FHIT: variants seen among roughly 807,000 people sequenced by gnomAD.
FHIT encodes bis(5'-adenosyl)-triphosphatase.
FHIT carries 19 observed loss-of-function variants against 17.9 expected under a neutral mutation model. That is an observed-to-expected ratio of 1.06 (90% CI 0.74 to 1.56). FHIT has a LOEUF of 1.56. Ranked by LOEUF, FHIT falls within the 40% of genes most tolerant of loss-of-function variation. FHIT has a pLI of 0.00. For synonymous variants in FHIT, 81 were observed against 69.7 expected (o/e 1.16, Z -0.81); for missense variants, 248 against 189.2 (o/e 1.31, Z -1.82).
intron 5 of FHIT, among the ~76,000 whole-genome samples, chr3:60,235,927 G>T (rs576951336): frequency 2.6e-5 from 4 of 152,114 alleles, no homozygotes; most frequent in African/African-American, 7.2e-5. Context: ...GGTTCATAGG[G>T]TATTGTTAGA....
At position 61,239,762 on chromosome 3, in the gene FHIT, C is replaced by CAT. The variant is rs72107416; in HGVS notation, c.-213+11537_-213+11538dup. Among the ~76,000 whole-genome samples, 126 of 108,256 alleles carry CAT rather than the reference C, an allele frequency of 1.2e-3. 5 individuals are homozygous for CAT. The highest frequency in any genetic ancestry group is 4.8e-3 in the South Asian group (16 of 3,340). 71.0% of individuals were successfully genotyped at this position (108,256 alleles called of 152,430 possible). A position where few individuals can be genotyped will look rare whatever the true frequency, so the allele number is the denominator to read the frequency against. ...AAAACTGCAAAGAAAAACAACTGGC[C>CAT]ATATATATATATATATATATATACA... On this transcript the variant is annotated intron_variant, in intron 1 of 9. Transcript: ENST00000492590.
intron 5 of FHIT, among the ~76,000 whole-genome samples, chr3:60,158,299 CA>C (rs1299780262): frequency 1.3e-5 from 2 of 151,934 alleles, no homozygotes; most frequent in Non-Finnish European, 2.9e-5. Flanking sequence ...TAAGACAAAA[CA>C]AGACTATTTC....
chr3:60,504,942 C>T (rs1279433764), intron 5 of FHIT, among the ~76,000 whole-genome samples: 1 of 152,188 alleles, frequency 6.6e-6, no homozygotes, highest in African/African-American at 2.4e-5. Context: ...AAGTGGAAGT[C>T]AAACTGCTAT....
chr3:60,104,952 TAC>T (rs1704345676), intron 5 of FHIT, among the ~76,000 whole-genome samples: 1 of 152,136 alleles, frequency 6.6e-6, no homozygotes, highest in South Asian at 2.1e-4. Flanking sequence ...TTGAAGCTCT[TAC>T]TGTCTTTAGT....
intron 3 of FHIT, among the ~76,000 whole-genome samples, chr3:61,009,581 C>T (rs920651676): frequency 2.6e-5 from 4 of 152,134 alleles, no homozygotes; most frequent in African/African-American, 9.7e-5. Flanking sequence ...ATGCCTACTC[C>T]TGCCCCACTG....
chr3:59,975,027 T>C (rs567805653), intron 7 of FHIT, among the ~76,000 whole-genome samples: 1 of 152,254 alleles, frequency 6.6e-6, no homozygotes, highest in East Asian at 1.9e-4. Flanking sequence ...AACATGTGCA[T>C]ATTTTACTTA....
intron 5 of FHIT, among the ~76,000 whole-genome samples, chr3:60,434,457 T>G (rs540080648): frequency 6.6e-6 from 1 of 152,072 alleles, no homozygotes; most frequent in East Asian, 1.9e-4. Flanking sequence ...CAGGGTTGCA[T>G]AGGGGATACA....
chr3:60,114,489 C>CTTTTTTTTTTTTT (rs1576129465), intron 5 of FHIT, among the ~76,000 whole-genome samples: 190 of 61,546 alleles, frequency 3.1e-3, no homozygotes, highest in Non-Finnish European at 4.7e-3. Flanking sequence ...AAGAGAAATC[C>CTTTTTTTTTTTTT]TTTTTTTTTT....
chr3:61,040,484 C>T (rs1004447100), intron 3 of FHIT, among the ~76,000 whole-genome samples: 1 of 152,138 alleles, frequency 6.6e-6, no homozygotes, highest in Non-Finnish European at 1.5e-5. Flanking sequence ...TTTTTATAAG[C>T]TAGACTATCT....
intron 4 of FHIT, among the ~76,000 whole-genome samples, chr3:60,563,879 G>T (rs765115189): frequency 6.6e-6 from 1 of 152,180 alleles, no homozygotes; most frequent in Non-Finnish European, 1.5e-5. Flanking sequence ...TACAGAAGCT[G>T]CAGCAAGTTT....
intron 5 of FHIT, among the ~76,000 whole-genome samples, chr3:60,239,079 T>G (rs1457527777): frequency 6.6e-6 from 1 of 152,206 alleles, no homozygotes; most frequent in Non-Finnish European, 1.5e-5. Flanking sequence ...GCCATGAGTA[T>G]TTGTGAGCAA....
intron 2 of FHIT, among the ~76,000 whole-genome samples, chr3:61,073,733 G>A (rs969603446): frequency 6.6e-6 from 1 of 152,116 alleles, no homozygotes; most frequent in Admixed American, 6.6e-5. Context: ...GTGTCCTGCT[G>A]GCCCTATTCC....
chr3:59,814,640 T>C (rs1700530577), intron 8 of FHIT, among the ~76,000 whole-genome samples: 2 of 152,190 alleles, frequency 1.3e-5, no homozygotes, highest in African/African-American at 4.8e-5. Context: ...TCCTATTTCT[T>C]TCCTAGGCCA....
intron 7 of FHIT, among the ~76,000 whole-genome samples, chr3:59,968,281 A>G (rs935777674): frequency 1.3e-5 from 2 of 152,106 alleles, no homozygotes; most frequent in African/African-American, 4.8e-5. Context: ...TACAGTTTCG[A>G]TATGATTTCA....
intron 2 of FHIT, among the ~76,000 whole-genome samples, chr3:61,080,344 A>T (rs185406358): frequency 1.3e-5 from 2 of 152,290 alleles, no homozygotes; most frequent in East Asian, 3.9e-4. Flanking sequence ...CAGTAACATC[A>T]AATCTGCCCT....
chr3:60,269,162 C>G (rs1226967562), intron 5 of FHIT, among the ~76,000 whole-genome samples: 1 of 151,902 alleles, frequency 6.6e-6, no homozygotes, highest in Admixed American at 6.6e-5. Flanking sequence ...TTATGGAAGC[C>G]ATCAAAAACT....
chr3:60,475,601 G>A (rs906393583), intron 5 of FHIT, among the ~76,000 whole-genome samples: 3 of 152,162 alleles, frequency 2.0e-5, no homozygotes, highest in African/African-American at 4.8e-5. Flanking sequence ...AAGGTGCAGG[G>A]TATCAGTTTT....
At chr3:60,835,592 C>A (rs1170538893) in intron 3 of FHIT, among the ~76,000 whole-genome samples, 4 of 152,086 alleles carry the variant, frequency 2.6e-5, no homozygotes, top group Admixed American at 2.6e-4. Context: ...CCTTAATGAA[C>A]TCAATTATTA....
intron 3 of FHIT, among the ~76,000 whole-genome samples, chr3:60,912,038 TAC>T (rs1225393588): frequency 5.0e-4 from 55 of 110,766 alleles, no homozygotes; most frequent in Non-Finnish European, 8.3e-4. Flanking sequence ...GCCTCTGCCT[TAC>T]ACACACACAC....
Sources: allele counts gnomAD v4.1 joint callset (sites outside exome capture counted in the v4.1 genomes callset), GRCh38; gene constraint gnomAD v4.1.1; transcripts MANE v1.5; gene names NCBI Gene and HGNC (gene_info 2026-07-23, HGNC 2026-07-21).